The following SUMF1 variants were observed in gnomAD, a reference collection of about 807,000 sequenced individuals.
SUMF1 encodes formylglycine-generating enzyme.
A neutral mutation model predicts 47.6 loss-of-function variants in SUMF1; 48 were observed. The observed-to-expected ratio is 1.01, with a 90% CI of 0.80 to 1.28. The LOEUF (loss-of-function observed/expected upper bound fraction) is 1.28, where lower values mean the gene tolerates loss of function less well. Among genes scored for constraint, SUMF1 ranks in the 50% most tolerant of loss-of-function variants. The probability of loss-of-function intolerance (pLI) is 0.00; values close to 1 mark genes in which losing one functional copy is unlikely to be tolerated. For missense variants in SUMF1, 571 were observed against 485.4 expected, an observed-to-expected ratio of 1.18 and a Z score of -1.66; for synonymous variants, 230 against 192.1, an observed-to-expected ratio of 1.20 and a Z score of -1.63.
chr3:4,231,678 G>A (rs980167868), intron 8 of SUMF1, among the ~76,000 whole-genome samples: 3 of 152,140 alleles, frequency 2.0e-5, no homozygotes, highest in East Asian at 3.9e-4. Context: ...AGAAATCACT[G>A]TTCCTTAATA....
At chr3:4,201,665 A>G (rs779984399) in intron 8 of SUMF1, among the ~76,000 whole-genome samples, 16 of 152,078 alleles carry the variant, frequency 1.1e-4, no homozygotes, top group Non-Finnish European at 2.4e-4. Flanking sequence ...ACCTAGGAGC[A>G]ATACTGCTGG....
At chr3:4,321,744 C>A (rs537054324) in intron 8 of SUMF1, among the ~76,000 whole-genome samples, 2 of 152,074 alleles carry the variant, frequency 1.3e-5, no homozygotes, top group African/African-American at 4.8e-5. Flanking sequence ...TATTTCTGCC[C>A]ACGAAAAGGG....
chr3:4,284,993 C>T (rs1324425943), intron 8 of SUMF1, among the ~76,000 whole-genome samples: 1 of 152,060 alleles, frequency 6.6e-6, no homozygotes, highest in East Asian at 1.9e-4. Flanking sequence ...CTCTAATAAC[C>T]GCTGATCATC....
intron 8 of SUMF1, among the ~76,000 whole-genome samples, chr3:4,074,944 A>T (rs1692385581): frequency 6.6e-6 from 1 of 152,150 alleles, no homozygotes; most frequent in South Asian, 2.1e-4. Flanking sequence ...ATTCCTTCTG[A>T]AACTATTCCA....
intron 8 of SUMF1, among the ~76,000 whole-genome samples, chr3:4,138,651 C>G (rs530874930): frequency 3.2e-4 from 49 of 152,184 alleles, no homozygotes; most frequent in African/African-American, 9.9e-4. Flanking sequence ...GTAACGCCAT[C>G]CAGGACTCCA....
chr3:4,417,874 T>C (rs1701764743), intron 5 of SUMF1, 136 bp downstream of exon 5: 1 of 1,504,136 alleles, frequency 6.6e-7, no homozygotes, highest in African/African-American at 1.4e-5. Flanking sequence ...TCTAAGTAAT[T>C]TCGTGGAAAA....
At chr3:4,450,605 G>A (rs1296220750) in intron 2 of SUMF1, among the ~76,000 whole-genome samples, 1 of 152,118 alleles carries the variant, frequency 6.6e-6, no homozygotes, top group Non-Finnish European at 1.5e-5. Flanking sequence ...GATAGCCATG[G>A]CCCCTATCCT....
intron 9 of SUMF1, among the ~76,000 whole-genome samples, chr3:4,052,930 G>T (rs969592038): frequency 3.9e-5 from 6 of 152,150 alleles, no homozygotes; most frequent in Non-Finnish European, 8.8e-5. Context: ...TACCACTCAT[G>T]TATTCACTAG....
intron 8 of SUMF1, among the ~76,000 whole-genome samples, chr3:4,167,903 T>C (rs755550387): frequency 2.0e-5 from 3 of 152,204 alleles, no homozygotes; most frequent in East Asian, 3.9e-4. Flanking sequence ...AGGAGGAAGA[T>C]AAAGCAGGCA....
chr3:4,456,784 G>C lies in SUMF1; in HGVS notation c.271-3735C>G, dbSNP rs867854849. ...TGTGTATATATACACATATATACGT[G>C]TGTGTGTATATATACGTGTATATAT... On this transcript the variant is annotated intron_variant, in intron 1 of 8. Transcript: ENST00000272902. Among the ~76,000 whole-genome samples, 40 of 129,282 alleles carry C rather than the reference G, an allele frequency of 3.1e-4. 1 individual carries two copies. Among genetic ancestry groups the C allele is most frequent in the South Asian group, 2.2e-3 (9 of 4,052 alleles). 84.8% of individuals were successfully genotyped at this position (129,282 alleles called of 152,430 possible).
chr3:4,314,180 A>G (rs751625070), intron 8 of SUMF1: 30 of 203,962 alleles, frequency 1.5e-4, no homozygotes, highest in Non-Finnish European at 2.6e-4. Flanking sequence ...AAAGGAGTCT[A>G]GGTGTCTGGT....
rs765304497 is a variant in SUMF1, at chr3:4,248,976, T to C, written c.1014+127354A>G. 6.2e-4 allele frequency among the ~76,000 whole-genome samples: 94 copies of C among 152,304 alleles called. 1 individual carries two copies. The highest frequency in any genetic ancestry group is 8.5e-4 in the Admixed American group (13 of 15,302). On this transcript the variant is annotated intron_variant and NMD_transcript_variant, in intron 8 of 12. Transcript: ENST00000448413. ...GACCACCAGTGGCCGTGGCAGTTCA[T>C]GTGCATGTGCATCTGCATGATCTTT...
intron 8 of SUMF1, among the ~76,000 whole-genome samples, chr3:4,080,211 A>C (rs1221720713): frequency 1.3e-5 from 2 of 152,052 alleles, no homozygotes; most frequent in African/African-American, 4.8e-5. Flanking sequence ...CGTACATTCC[A>C]TTTGCTTTGA....
chr3:4,420,031 CT>C, intron 4 of SUMF1, 32 bp downstream of exon 4: 1 of 1,595,298 alleles, frequency 6.3e-7, no homozygotes, highest in Non-Finnish European at 8.6e-7. Flanking sequence ...TGCAATGGAA[CT>C]TGTCAACTGG....
At chr3:4,158,553 T>A (rs1218663155) in intron 8 of SUMF1, among the ~76,000 whole-genome samples, 1 of 151,580 alleles carries the variant, frequency 6.6e-6, no homozygotes, top group Non-Finnish European at 1.5e-5. Flanking sequence ...TGTTGAAGTC[T>A]CTAGCTATTG....
intron 3 of SUMF1, among the ~76,000 whole-genome samples, chr3:4,429,636 C>A (rs1177038835): frequency 1.3e-5 from 2 of 152,162 alleles, no homozygotes; most frequent in Non-Finnish European, 2.9e-5. Flanking sequence ...GCAAAGGCAG[C>A]ACAGGGTCAC....
At chr3:4,214,982 G>C (rs1310783114) in intron 8 of SUMF1, among the ~76,000 whole-genome samples, 2 of 152,128 alleles carry the variant, frequency 1.3e-5, no homozygotes, top group Non-Finnish European at 2.9e-5. Context: ...AGAGGAGCTG[G>C]TACCATTCAT....
chr3:4,274,223 G>T (rs1697368084), intron 8 of SUMF1, among the ~76,000 whole-genome samples: 1 of 151,920 alleles, frequency 6.6e-6, no homozygotes, highest in Non-Finnish European at 1.5e-5. Flanking sequence ...ATATACCTAG[G>T]CTTAATAATA....
At chr3:4,096,802 C>A (rs915958493) in intron 8 of SUMF1, among the ~76,000 whole-genome samples, 5 of 152,024 alleles carry the variant, frequency 3.3e-5, no homozygotes, top group African/African-American at 4.8e-5. Flanking sequence ...TGGGCTGGGT[C>A]GGAACCAGGG....
Sources: gnomAD v4.1 joint callset for allele counts (sites outside exome capture counted in the v4.1 genomes callset) on GRCh38, gnomAD v4.1.1 for gene constraint, MANE v1.5 for transcripts, NCBI Gene and HGNC (gene_info 2026-07-23, HGNC 2026-07-21) for gene names.